BCAS3: variants seen among roughly 807,000 people sequenced by gnomAD.
BCAS3 encodes BCAS3 microtubule associated cell migration factor, also known as BCAS4/BCAS3 fusion.
BCAS3 carries 53 observed loss-of-function variants against 116.1 expected under a neutral mutation model. The ratio of observed to expected loss-of-function variants is 0.46; its 90% CI spans 0.37 to 0.57. BCAS3 has a LOEUF of 0.57. Ranked by LOEUF, BCAS3 falls within the 20% of genes least tolerant of loss-of-function variation. BCAS3 has a pLI of 0.00. For synonymous variants in BCAS3, 391 were observed against 408.2 expected (o/e 0.96, Z 0.51); for missense variants, 917 against 1,165.4 (o/e 0.79, Z 3.10).
At chr17:61,044,546 A>C (rs1353812897) in intron 19 of BCAS3, among the ~76,000 whole-genome samples, 3 of 150,676 alleles carry the variant, frequency 2.0e-5, no homozygotes, top group Non-Finnish European at 4.4e-5. Context: ...ACTTCATTTC[A>C]CTTAAAGTCA....
intron 7 of BCAS3, among the ~76,000 whole-genome samples, chr17:60,864,074 A>G (rs1296156758): frequency 6.6e-6 from 1 of 152,230 alleles, no homozygotes; most frequent in Non-Finnish European, 1.5e-5. Context: ...CCTGGAAGTT[A>G]CAGATATAGG....
chr17:61,034,764 A>G lies in BCAS3; in HGVS notation c.1736A>G (p.Asn579Ser). The change falls in exon 17 of 24, where the codon AAT becomes AGT. Residue 579 changes from asparagine to serine, a missense_variant. This residue lies in a region of BCAS3 where 807 missense variants were observed against 1,026.0 expected (regional missense o/e 0.79). Transcript: ENST00000407086. This position sits in a 1 kb window ranked among gnomAD's most constrained non-coding sequence, Gnocchi z 5.0. ...GGAACATCCAGGTCATGGTTTGCAA[A>G]TAATGCAGGTCTGAAAAGAGAAAAA... ...IFGTSRSWFA[N>S]NAGLKREKDQ... 6.2e-7 allele frequency: 1 copy of G among 1,612,360 alleles called. No homozygotes were observed. The highest frequency in any genetic ancestry group is 2.2e-5 in the East Asian group (1 of 44,742).
Position 61,198,331 on chromosome 17 carries a change from G to T in BCAS3, c.2425+113767G>T, listed in dbSNP as rs1479415168. Among the ~76,000 whole-genome samples the T allele has an allele frequency of 2.0e-5, 3 of 151,936 alleles. No homozygotes were observed. The highest frequency in any genetic ancestry group is 7.3e-5 in the African/African-American group (3 of 41,356). On this transcript the variant is annotated intron_variant, in intron 22 of 23. Transcript: ENST00000407086. The surrounding 1 kb of genome is among the most constrained non-coding windows in gnomAD (Gnocchi z 5.0). ...AATTTTTTGCATTTTTAGTAGAGAT[G>T]GGGTTTCACCGTGTTAGCCAGGATG...
chr17:60,949,284 G>T (rs1316302696), intron 14 of BCAS3, among the ~76,000 whole-genome samples: 1 of 152,058 alleles, frequency 6.6e-6, no homozygotes, highest in African/African-American at 2.4e-5. Flanking sequence ...TGAGGACAGG[G>T]TCTTGCTCTG....
At chr17:60,981,581 C>A (rs781691238) in intron 14 of BCAS3, among the ~76,000 whole-genome samples, 1 of 152,120 alleles carries the variant, frequency 6.6e-6, no homozygotes, top group Non-Finnish European at 1.5e-5. Context: ...CTGTGCCCAG[C>A]CACAAGAGTG....
intron 22 of BCAS3, among the ~76,000 whole-genome samples, chr17:61,116,241 T>TA (rs1394617446): frequency 6.8e-5 from 5 of 73,042 alleles, no homozygotes; most frequent in African/African-American, 2.2e-4. Flanking sequence ...TAAAGTATAA[T>TA]AAAAAAATAA....
At chr17:60,820,164 G>A (rs920602931) in intron 7 of BCAS3, among the ~76,000 whole-genome samples, 2 of 151,442 alleles carry the variant, frequency 1.3e-5, no homozygotes, top group Non-Finnish European at 2.9e-5. Flanking sequence ...TCTGCCTCCC[G>A]GGTTCATGCC....
chr17:60,976,325 A>G, intron 14 of BCAS3, among the ~76,000 whole-genome samples: 1 of 151,492 alleles, frequency 6.6e-6, no homozygotes, highest in East Asian at 1.9e-4. Context: ...CAGCTTGTAT[A>G]TAGGTTTTTG....
intron 23 of BCAS3, among the ~76,000 whole-genome samples, chr17:61,371,373 A>G (rs2059032609): frequency 6.6e-6 from 1 of 152,220 alleles, no homozygotes; most frequent in South Asian, 2.1e-4. Context: ...ACCCTAGGGC[A>G]GGTCAGCTCC....
At chr17:60,797,360 T>TTATG (rs1337028126) in intron 6 of BCAS3, among the ~76,000 whole-genome samples, 2 of 151,506 alleles carry the variant, frequency 1.3e-5, no homozygotes, top group African/African-American at 4.8e-5. Flanking sequence ...ATTTTTACTT[T>TTATG]TATTTATTTA....
intron 22 of BCAS3, among the ~76,000 whole-genome samples, chr17:61,218,759 C>A (rs919731009): frequency 3.4e-4 from 51 of 152,192 alleles, no homozygotes; most frequent in African/African-American, 1.2e-3. Flanking sequence ...AGAGACTTAG[C>A]TAGGGTTACT....
At chr17:60,913,442 A>T (rs1278924401) in intron 12 of BCAS3, among the ~76,000 whole-genome samples, 1 of 152,140 alleles carries the variant, frequency 6.6e-6, no homozygotes, top group African/African-American at 2.4e-5. Flanking sequence ...TCTGTGCAGT[A>T]TAATTCTGTC....
intron 2 of BCAS3, 89 bp from the exon 3 acceptor site, chr17:60,683,893 G>A: frequency 9.1e-7 from 1 of 1,100,964 alleles, no homozygotes. Flanking sequence ...CAAAAAACAA[G>A]TGACTTTATT....
At chr17:60,773,820 G>C (rs1245768674) in intron 6 of BCAS3, among the ~76,000 whole-genome samples, 1 of 151,968 alleles carries the variant, frequency 6.6e-6, no homozygotes, top group African/African-American at 2.4e-5. Context: ...GCTAATTTTT[G>C]TATTTTTTTG....
chr17:61,057,796 A>G (rs2143266427), intron 19 of BCAS3, among the ~76,000 whole-genome samples: 1 of 152,238 alleles, frequency 6.6e-6, no homozygotes, highest in African/African-American at 2.4e-5. Flanking sequence ...TGTATGTTTC[A>G]TAAACATTTT....
chr17:60,807,078 A>G (rs2048346316), intron 6 of BCAS3, among the ~76,000 whole-genome samples: 1 of 152,118 alleles, frequency 6.6e-6, no homozygotes, highest in Admixed American at 6.6e-5. Flanking sequence ...TTAGGTTAAA[A>G]AAGATATTTT....
At position 61,285,329 on chromosome 17, in the gene BCAS3, T is replaced by C. The variant is rs2051660070; in HGVS notation, c.2426-82998T>C. Among the ~76,000 whole-genome samples, 1 of 152,058 alleles carries C rather than the reference T, an allele frequency of 6.6e-6. No homozygotes were observed. The highest frequency in any genetic ancestry group is 2.4e-5 in the African/African-American group (1 of 41,380). Reference sequence around the variant, plus strand: ...GCACGGCAGAGTCCCTGCTAATAAATGTATATAAAAGAACTGAGTGCTGCT... The same window carrying C: ...GCACGGCAGAGTCCCTGCTAATAAACGTATATAAAAGAACTGAGTGCTGCT... On this transcript the variant is annotated intron_variant, in intron 22 of 23. Transcript: ENST00000407086. The surrounding 1 kb of genome is among the most constrained non-coding windows in gnomAD (Gnocchi z 5.4).
At chr17:60,740,283 CA>C in intron 5 of BCAS3, among the ~76,000 whole-genome samples, 1 of 151,822 alleles carries the variant, frequency 6.6e-6, no homozygotes, top group South Asian at 2.1e-4. Flanking sequence ...TCACTGAGGC[CA>C]GGAGTTCAAG....
At position 61,077,269 on chromosome 17, in the gene BCAS3, G is replaced by A. The variant is rs1182800004; in HGVS notation, c.2131-1064G>A. On this transcript the variant is annotated intron_variant, in intron 20 of 23. Transcript: ENST00000407086. This position sits in a 1 kb window ranked among gnomAD's most constrained non-coding sequence, Gnocchi z 4.3. ...GCAGTGGCTCACGCCTGTAATCCCA[G>A]CACTTTGGGAGGCCGAGGCAGGCGG... Among the ~76,000 whole-genome samples the A allele has an allele frequency of 3.3e-5, 5 of 152,128 alleles. No homozygotes were observed. Among genetic ancestry groups the A allele is most frequent in the Non-Finnish European group, 7.3e-5 (5 of 68,040 alleles).
Sources: allele counts gnomAD v4.1 joint callset (sites outside exome capture counted in the v4.1 genomes callset), GRCh38; gene constraint gnomAD v4.1.1; regional missense constraint gnomAD v4.1.1; non-coding constraint Gnocchi (gnomAD v3.1); transcripts MANE v1.5; gene names NCBI Gene and HGNC (gene_info 2026-07-23, HGNC 2026-07-21).